Variants in VCF2 observed in about 807,000 individuals in gnomAD.
VCF2 encodes the protein protein VCF2.
chrX:55,154,869 T>C, the VCF2 span, among the ~76,000 whole-genome samples: 823 of 112,455 alleles, frequency 7.3e-3, 8 homozygotes, highest in African/African-American at 0.025. Context: ...AAGAAGGCAC[T>C]TTGCCTGGGC....
chrX:55,150,299 G>T, the VCF2 span, among the ~76,000 whole-genome samples: 1 of 111,686 alleles, frequency 9.0e-6, no homozygotes. Flanking sequence ...TTCCACAGAT[G>T]GGGGAAGGAA....
At chrX:55,157,448 G>A in the VCF2 span, among the ~76,000 whole-genome samples, 35 of 111,731 alleles carry the variant, frequency 3.1e-4, no homozygotes, top group African/African-American at 1.0e-3. Context: ...CACCAGAATC[G>A]CTTGAACCCG....
the VCF2 span, chrX:55,143,632 T>C: frequency 4.9e-6 from 2 of 410,402 alleles, no homozygotes; most frequent in Non-Finnish European, 8.9e-6. Flanking sequence ...AGGACCAAAG[T>C]AAGTCCGCAT....
At chrX:55,160,727 C>A in the VCF2 span, 1 of 772,991 alleles carries the variant, frequency 1.3e-6, no homozygotes, top group South Asian at 2.5e-5. Context: ...AACAGAAATA[C>A]CAGTTGCTAG....
chrX:55,149,081 T>C, the VCF2 span, among the ~76,000 whole-genome samples: 16 of 111,945 alleles, frequency 1.4e-4, no homozygotes, highest in African/African-American at 4.8e-4. Flanking sequence ...ACTCTGCCTA[T>C]GTCTAACTAA....
chrX:55,152,405 T>C, the VCF2 span, among the ~76,000 whole-genome samples: 1 of 111,937 alleles, frequency 8.9e-6, no homozygotes, highest in African/African-American at 3.2e-5. Flanking sequence ...ACTTTTTTTG[T>C]CATAGAACAT....
the VCF2 span, among the ~76,000 whole-genome samples, chrX:55,148,137 AATG>A: frequency 9.0e-6 from 1 of 110,633 alleles, no homozygotes; most frequent in Non-Finnish European, 1.9e-5. Context: ...GAAATAACTA[AATG>A]ATGACATTCA....
At chrX:55,151,664 G>A in the VCF2 span, among the ~76,000 whole-genome samples, 1 of 111,835 alleles carries the variant, frequency 8.9e-6, no homozygotes, top group Non-Finnish European at 1.9e-5. Context: ...GGGGCTTGGA[G>A]AGAGAAAAAA....
the VCF2 span, among the ~76,000 whole-genome samples, chrX:55,156,376 GAATAAT>G: frequency 8.9e-6 from 1 of 111,742 alleles, no homozygotes; most frequent in African/African-American, 3.3e-5. Flanking sequence ...TCTATCCCTG[GAATAAT>G]AATATGATGC....
chrX:55,153,676 T>C, the VCF2 span, among the ~76,000 whole-genome samples: 1 of 111,495 alleles, frequency 9.0e-6, no homozygotes, highest in South Asian at 3.8e-4. Flanking sequence ...CTTCACTTTC[T>C]AACTCATCCA....
At chrX:55,153,044 G>C in the VCF2 span, among the ~76,000 whole-genome samples, 1 of 111,984 alleles carries the variant, frequency 8.9e-6, no homozygotes, top group South Asian at 3.7e-4. Flanking sequence ...CTATGACCTG[G>C]AAGCCGCAGC....
chrX:55,160,891 G>C, the VCF2 span: 10 of 1,154,626 alleles, frequency 8.7e-6, no homozygotes, highest in Non-Finnish European at 3.4e-6. Flanking sequence ...TGTTCTTTCG[G>C]AGAAGGCTTC....
At chrX:55,161,023 A>G in the VCF2 span, 1 of 1,170,420 alleles carries the variant, frequency 8.5e-7, no homozygotes, top group East Asian at 3.2e-5. Flanking sequence ...GAAAATACAT[A>G]TCCGCTGCGT....
At chrX:55,145,884 T>C in the VCF2 span, 1 of 964,666 alleles carries the variant, frequency 1.0e-6, no homozygotes, top group Non-Finnish European at 1.3e-6. Context: ...AAGAGTAAAA[T>C]AAAAATAAAA....
At chrX:55,144,076 T>A in the VCF2 span, among the ~76,000 whole-genome samples, 1 of 111,732 alleles carries the variant, frequency 8.9e-6, no homozygotes, top group Admixed American at 9.5e-5. Context: ...AAAATAATGC[T>A]TTGTCATGGT....
chrX:55,143,904 T>C, the VCF2 span: 49 of 1,025,662 alleles, frequency 4.8e-5, no homozygotes, highest in East Asian at 1.3e-3. Flanking sequence ...AGATTGCATA[T>C]TGTATTTACT....
At chrX:55,151,614 T>C in the VCF2 span, among the ~76,000 whole-genome samples, 1 of 112,361 alleles carries the variant, frequency 8.9e-6, no homozygotes, top group Non-Finnish European at 1.9e-5. Flanking sequence ...ACGCTTATTT[T>C]ACACATAAAT....
At chrX:55,151,556 A>T in the VCF2 span, among the ~76,000 whole-genome samples, 1 of 112,571 alleles carries the variant, frequency 8.9e-6, no homozygotes, top group Non-Finnish European at 1.9e-5. Flanking sequence ...GCAAATAGTT[A>T]TTCTTGCTGA....
chrX:55,144,271 T>C, the VCF2 span, among the ~76,000 whole-genome samples: 1 of 111,227 alleles, frequency 9.0e-6, no homozygotes, highest in African/African-American at 3.3e-5. Context: ...AAAATTCAAA[T>C]ATCTCATCTT....
Sources: gnomAD v4.1 joint callset for allele counts (sites outside exome capture counted in the v4.1 genomes callset) on GRCh38, gnomAD v4.1.1 for gene constraint, MANE v1.5 for transcripts, NCBI Gene and HGNC (gene_info 2026-07-23, HGNC 2026-07-21) for gene names.